Variants in PDE1A observed in about 807,000 individuals in gnomAD.
The protein encoded by PDE1A is dual specificity calcium/calmodulin-dependent 3',5'-cyclic nucleotide phosphodiesterase 1A.
In PDE1A, 35 loss-of-function variants were observed where a neutral mutation model predicts 61.7. The ratio of observed to expected loss-of-function variants is 0.57; its 90% CI spans 0.43 to 0.75. The LOEUF (loss-of-function observed/expected upper bound fraction) is 0.75. Among genes scored for constraint, PDE1A ranks in the 30% least tolerant of loss-of-function variants. PDE1A has a pLI of 0.00. For synonymous variants in PDE1A, 232 were observed against 213.2 expected, an observed-to-expected ratio of 1.09 and a Z score of -0.77; for missense variants, 597 against 630.6, an observed-to-expected ratio of 0.95 and a Z score of 0.57.
chr2:182,192,136 CGTG>C (rs1425148376), intron 10 of PDE1A, among the ~76,000 whole-genome samples: 11 of 151,908 alleles, frequency 7.2e-5, no homozygotes, highest in African/African-American at 2.7e-4. Flanking sequence ...GGATTACTGG[CGTG>C]AGCCACTGTG....
At chr2:182,564,454 G>T in the PDE1A span, among the ~76,000 whole-genome samples, 1 of 152,272 alleles carries the variant, frequency 6.6e-6, no homozygotes, top group Admixed American at 6.5e-5. Flanking sequence ...CCCTTTGTGG[G>T]TAACCCGACC....
At chr2:182,636,808 C>T in the PDE1A span, among the ~76,000 whole-genome samples, 1 of 152,178 alleles carries the variant, frequency 6.6e-6, no homozygotes, top group Non-Finnish European at 1.5e-5. Flanking sequence ...CCTCCCAGCT[C>T]AGTCAGGTTG....
chr2:182,533,778 A>G, the PDE1A span, among the ~76,000 whole-genome samples: 2 of 152,122 alleles, frequency 1.3e-5, no homozygotes, highest in African/African-American at 2.4e-5. Context: ...ATAAAGTTTA[A>G]TGTTGATAGA....
intron 1 of PDE1A, among the ~76,000 whole-genome samples, chr2:182,274,503 A>G (rs1466167147): frequency 1.3e-5 from 2 of 152,150 alleles, no homozygotes; most frequent in Non-Finnish European, 2.9e-5. Flanking sequence ...ATACTCAGTG[A>G]TAGAAAAATT....
At chr2:182,627,600 G>C in the PDE1A span, among the ~76,000 whole-genome samples, 6 of 151,038 alleles carry the variant, frequency 4.0e-5, no homozygotes, top group African/African-American at 1.5e-4. Context: ...TCTATTTGCT[G>C]TGCTTACCTA....
At chr2:182,401,458 A>G (rs1701994456) in intron 1 of PDE1A, among the ~76,000 whole-genome samples, 1 of 152,244 alleles carries the variant, frequency 6.6e-6, no homozygotes, top group African/African-American at 2.4e-5. Flanking sequence ...AAGGCCTTCA[A>G]TAAAATTCAG....
At chr2:182,360,765 A>G (rs1046957366) in intron 1 of PDE1A, among the ~76,000 whole-genome samples, 2 of 151,928 alleles carry the variant, frequency 1.3e-5, no homozygotes, top group African/African-American at 4.8e-5. Flanking sequence ...GAAGGCAAAA[A>G]TGCCCATGGC....
At chr2:182,356,041 T>G (rs1312810123) in intron 1 of PDE1A, among the ~76,000 whole-genome samples, 1 of 152,220 alleles carries the variant, frequency 6.6e-6, no homozygotes, top group Non-Finnish European at 1.5e-5. Context: ...ACAGGTCAGT[T>G]TGATTGTAAC....
the PDE1A span, among the ~76,000 whole-genome samples, chr2:182,669,708 T>C: frequency 2.6e-5 from 4 of 152,236 alleles, no homozygotes; most frequent in Non-Finnish European, 4.4e-5. Context: ...TGCCTTATCA[T>C]AGGTGGTTCC....
At chr2:182,590,120 C>T in the PDE1A span, among the ~76,000 whole-genome samples, 13 of 137,694 alleles carry the variant, frequency 9.4e-5, no homozygotes, top group African/African-American at 2.0e-4. Flanking sequence ...GTAGTGGAGA[C>T]GTAGCATACC....
At chr2:182,195,179 T>A (rs1559166673) in intron 10 of PDE1A, among the ~76,000 whole-genome samples, 1 of 152,124 alleles carries the variant, frequency 6.6e-6, no homozygotes, top group Non-Finnish European at 1.5e-5. Context: ...TAAGTAACTA[T>A]CAAACAACAA....
intron 2 of PDE1A, among the ~76,000 whole-genome samples, chr2:182,511,701 A>G (rs985113247): frequency 2.0e-5 from 3 of 152,124 alleles, no homozygotes; most frequent in African/African-American, 7.2e-5. Context: ...TCCCCATGAG[A>G]CAGAGCCAAT....
At chr2:182,209,263 C>A (rs560512778) in intron 7 of PDE1A, among the ~76,000 whole-genome samples, 7 of 152,078 alleles carry the variant, frequency 4.6e-5, no homozygotes, top group Non-Finnish European at 1.0e-4. Context: ...GAATGAGAAC[C>A]AAGTGAAACA....
chr2:182,346,905 T>C (rs550207428), intron 1 of PDE1A, among the ~76,000 whole-genome samples: 13 of 152,282 alleles, frequency 8.5e-5, no homozygotes, highest in Middle Eastern at 3.4e-3. Flanking sequence ...AAATCTCAAG[T>C]ATTTCACCCA....
At chr2:182,397,642 T>C (rs773031250) in intron 1 of PDE1A, among the ~76,000 whole-genome samples, 2 of 152,124 alleles carry the variant, frequency 1.3e-5, no homozygotes, top group Non-Finnish European at 2.9e-5. Context: ...GTTTCAGCAA[T>C]ACAACGGTGT....
the PDE1A span, among the ~76,000 whole-genome samples, chr2:182,655,690 G>C: frequency 6.6e-6 from 1 of 152,200 alleles, no homozygotes; most frequent in African/African-American, 2.4e-5. Context: ...CTTTTTCCCC[G>C]GCAAGGAGAG....
chr2:182,374,378 A>C (rs902259996), intron 1 of PDE1A, among the ~76,000 whole-genome samples: 1 of 152,128 alleles, frequency 6.6e-6, no homozygotes, highest in African/African-American at 2.4e-5. Flanking sequence ...TAAAGCTTAT[A>C]AAAGAAAATA....
At chr2:182,141,051 T>C (rs1690208023) in exon 15 of PDE1A, 1 of 151,994 alleles carries the variant, frequency 6.6e-6, no homozygotes, top group South Asian at 2.1e-4. Context: ...CAGAAATTGA[T>C]GAATTCTTTA....
At chr2:182,403,555 C>T (rs1361386882) in intron 1 of PDE1A, among the ~76,000 whole-genome samples, 2 of 148,104 alleles carry the variant, frequency 1.4e-5, no homozygotes, top group Non-Finnish European at 3.0e-5. Context: ...GCCGAGATCG[C>T]GCCACTGCAC....
Sources: gnomAD v4.1 joint callset for allele counts (sites outside exome capture counted in the v4.1 genomes callset) on GRCh38, gnomAD v4.1.1 for gene constraint, MANE v1.5 for transcripts, NCBI Gene and HGNC (gene_info 2026-07-23, HGNC 2026-07-21) for gene names.